The following ADGRV1 variants were observed in gnomAD, a reference collection of about 807,000 sequenced individuals.
ADGRV1 encodes the protein G-protein coupled receptor 98.
ADGRV1 carries 359 observed loss-of-function variants against 596.2 expected under a neutral mutation model. That is an observed-to-expected ratio of 0.60 (90% confidence interval 0.55 to 0.66). The LOEUF is 0.66. Ranked by LOEUF, ADGRV1 falls within the 30% of genes least tolerant of loss-of-function variation. The pLI is 0.00. For synonymous variants in ADGRV1, 2,681 were observed against 2,679.2 expected (o/e 1.00, Z -0.02); for missense variants, 7,274 against 7,575.6 (o/e 0.96, Z 1.48).
At chr5:90,657,557 C>G (rs544021929) in intron 20 of ADGRV1, among the ~76,000 whole-genome samples, 1 of 152,154 alleles carries the variant, frequency 6.6e-6, no homozygotes, top group Non-Finnish European at 1.5e-5. Flanking sequence ...AATACGTGCA[C>G]ATACATACAT....
At chr5:90,771,779 A>G (rs867912483) in intron 59 of ADGRV1, among the ~76,000 whole-genome samples, 5 of 152,208 alleles carry the variant, frequency 3.3e-5, no homozygotes, top group Admixed American at 6.5e-5. Context: ...AATTTTAAAG[A>G]AAGAAAGGGA....
At chr5:90,785,644 T>G (rs13158779) in intron 67 of ADGRV1, among the ~76,000 whole-genome samples, 4 of 152,148 alleles carry the variant, frequency 2.6e-5, no homozygotes, top group African/African-American at 7.2e-5. Flanking sequence ...AACAGACACC[T>G]GAAAAAATGC....
intron 45 of ADGRV1, among the ~76,000 whole-genome samples, chr5:90,723,001 G>A (rs560557684): frequency 6.6e-6 from 1 of 152,188 alleles, no homozygotes; most frequent in African/African-American, 2.4e-5. Flanking sequence ...ACCAGCAGAA[G>A]AGTGCTTTAA....
intron 85 of ADGRV1, among the ~76,000 whole-genome samples, chr5:90,987,048 G>C (rs1206302085): frequency 6.6e-6 from 1 of 152,128 alleles, no homozygotes; most frequent in Non-Finnish European, 1.5e-5. Context: ...AATAAACTAT[G>C]ATCAAAGAAT....
intron 52 of ADGRV1, among the ~76,000 whole-genome samples, chr5:90,748,819 TTTTG>T (rs959037285): frequency 1.3e-5 from 2 of 151,066 alleles, no homozygotes; most frequent in African/African-American, 4.9e-5. Flanking sequence ...TCAAGTTTTT[TTTTG>T]TTTTTTTTTT....
intron 50 of ADGRV1, among the ~76,000 whole-genome samples, chr5:90,738,952 A>G (rs1215294975): frequency 2.0e-5 from 3 of 152,032 alleles, no homozygotes; most frequent in Non-Finnish European, 1.5e-5. Context: ...TGATTGTGTC[A>G]CATAATTCCT....
At chr5:90,970,258 C>T (rs1383526592) in intron 84 of ADGRV1, among the ~76,000 whole-genome samples, 2 of 152,162 alleles carry the variant, frequency 1.3e-5, no homozygotes, top group African/African-American at 4.8e-5. Flanking sequence ...CACTGCAGCT[C>T]AAGGAGGCCT....
intron 43 of ADGRV1, among the ~76,000 whole-genome samples, chr5:90,719,754 C>A (rs1561590226): frequency 1.3e-5 from 2 of 152,088 alleles, no homozygotes; most frequent in South Asian, 2.1e-4. Flanking sequence ...CAGAGCAGGA[C>A]AAAAAGTTCA....
At chr5:90,691,723 T>C (rs1746506226) in intron 31 of ADGRV1, among the ~76,000 whole-genome samples, 1 of 152,174 alleles carries the variant, frequency 6.6e-6, no homozygotes, top group Non-Finnish European at 1.5e-5. Context: ...TATACTCCCT[T>C]TTGGCTTGGG....
chr5:90,932,465 A>C (rs1581559293), intron 83 of ADGRV1, among the ~76,000 whole-genome samples: 2 of 152,266 alleles, frequency 1.3e-5, no homozygotes, highest in East Asian at 3.9e-4. Flanking sequence ...TTTAAAACAA[A>C]CCAACAAAAA....
chr5:90,634,806 CAGTT>C lies in ADGRV1; in HGVS notation c.1840-302_1840-299del, dbSNP rs144676829. 0.18 allele frequency among the ~76,000 whole-genome samples: 27,308 copies of C among 151,796 alleles called. 2,584 individuals carry two copies. Among genetic ancestry groups the C allele is most frequent in the East Asian group, 0.39 (1,991 of 5,138 alleles). On this transcript the variant is annotated intron_variant, in intron 9 of 89. Transcript: ENST00000405460. ...TGTGACATTTATATGATGTCTGTGG[CAGTT>C]AGTTATAATGATTTGGAATTAGAGG...
chr5:90,663,879 C>A (rs954593021), intron 21 of ADGRV1, among the ~76,000 whole-genome samples: 4 of 151,822 alleles, frequency 2.6e-5, no homozygotes, highest in Non-Finnish European at 4.4e-5. Flanking sequence ...AATCCTTTCC[C>A]CATTGCTTGT....
Position 91,086,994 on chromosome 5 carries a change from C to A in ADGRV1, c.18310+14390C>A, listed in dbSNP as rs13356709. On this transcript the variant is annotated intron_variant, in intron 86 of 89. Transcript: ENST00000405460. Reference sequence around the variant, plus strand: ...CCTTCATGGGAACCTTTAACACCAGCCAAAAGGAACAACTTACAGTAATTT... The same window carrying A: ...CCTTCATGGGAACCTTTAACACCAGACAAAAGGAACAACTTACAGTAATTT... 7.1e-4 allele frequency among the ~76,000 whole-genome samples: 108 copies of A among 152,278 alleles called. 1 individual carries two copies. Among genetic ancestry groups the A allele is most frequent in the African/African-American group, 2.5e-3 (103 of 41,566 alleles).
rs876657823 is a variant in ADGRV1 at position 90,629,499 on chromosome 5, A to G, written c.1799A>G (p.Asn600Ser). Reference sequence around the variant, plus strand: ...GTCACTACAAAATTACCAATAAGAAATGATGCATTCCTTCAAAATGGAGCT... The same window carrying G: ...GTCACTACAAAATTACCAATAAGAAGTGATGCATTCCTTCAAAATGGAGCT... Reference protein sequence around the residue: ...TQVTTKLPIRNDAFLQNGAHF... With the variant: ...TQVTTKLPIRSDAFLQNGAHF... Residue 600 changes from asparagine (N) to serine (S), a missense_variant, in exon 9 of 90, where the codon AAT becomes AGT. Asn to Ser is a conservative substitution (Grantham distance 46, BLOSUM62 1). Around this residue, in one of 5 missense-constraint regions of ADGRV1, gnomAD observed 1,715 missense variants for 1,708.8 expected, o/e 1.00. Coordinates refer to ENST00000405460, the MANE Select transcript of ADGRV1 (RefSeq NM_032119.4). 3.1e-6 allele frequency: 5 copies of G among 1,613,218 alleles called. No individual in the cohort carries two copies. The highest frequency in any genetic ancestry group is 1.7e-4 in the Middle Eastern group (1 of 6,056).
intron 59 of ADGRV1, among the ~76,000 whole-genome samples, chr5:90,772,627 A>G (rs528662722): frequency 1.3e-5 from 2 of 152,330 alleles, no homozygotes; most frequent in South Asian, 4.1e-4. Context: ...AAATTACCAC[A>G]AAAGTGCTCA....
chr5:91,153,463 C>A, intron 89 of ADGRV1, 65 bp downstream of exon 89: 1 of 1,270,278 alleles, frequency 7.9e-7, no homozygotes, highest in Non-Finnish European at 1.1e-6. Context: ...TTTATATTTT[C>A]TTTCCATGAA....
At chr5:90,571,940 G>A (rs1219714223) in intron 1 of ADGRV1, among the ~76,000 whole-genome samples, 1 of 152,128 alleles carries the variant, frequency 6.6e-6, no homozygotes, top group Admixed American at 6.6e-5. Context: ...AATTTCTGAA[G>A]TTCTGCAAGC....
chr5:90,996,497 C>T (rs1053109036), intron 85 of ADGRV1, among the ~76,000 whole-genome samples: 2 of 152,188 alleles, frequency 1.3e-5, no homozygotes, highest in African/African-American at 2.4e-5. Context: ...ATGGAAATGC[C>T]TGGATGTCCA....
At chr5:90,845,103 G>C (rs1052486229) in intron 78 of ADGRV1, among the ~76,000 whole-genome samples, 3 of 152,164 alleles carry the variant, frequency 2.0e-5, no homozygotes, top group African/African-American at 7.2e-5. Flanking sequence ...GTCAGTCCAG[G>C]TGGTTGCTTT....
Sources: allele counts gnomAD v4.1 joint callset (sites outside exome capture counted in the v4.1 genomes callset), GRCh38; gene constraint gnomAD v4.1.1; regional missense constraint gnomAD v4.1.1; transcripts MANE v1.5; gene names NCBI Gene and HGNC (gene_info 2026-07-23, HGNC 2026-07-21).